BCL2: variants seen among roughly 807,000 people sequenced by gnomAD.
The protein encoded by BCL2 is apoptosis regulator Bcl-2.
Under a neutral mutation model 14.2 loss-of-function variants are expected in BCL2, and 1 was observed. The ratio of observed to expected loss-of-function variants is 0.07; its 90% CI spans 0.02 to 0.33. The LOEUF (loss-of-function observed/expected upper bound fraction) is 0.33, where lower values mean the gene tolerates loss of function less well. Ranked by LOEUF, BCL2 falls within the 10% of genes least tolerant of loss-of-function variation. BCL2 has a pLI of 0.99. For missense variants in BCL2, 247 were observed against 305.9 expected, an observed-to-expected ratio of 0.81 and a Z score of 1.44; for synonymous variants, 151 against 137.2, an observed-to-expected ratio of 1.10 and a Z score of -0.70.
At chr18:63,139,158 C>CA in intron 2 of BCL2, among the ~76,000 whole-genome samples, 1 of 152,282 alleles carries the variant, frequency 6.6e-6, no homozygotes, top group African/African-American at 2.4e-5. Flanking sequence ...CCTACTGCCG[C>CA]ACTAGCTATG....
chr18:63,197,833 G>C (rs75782850), intron 2 of BCL2, among the ~76,000 whole-genome samples: 3,314 of 152,302 alleles, frequency 0.022, 54 homozygotes, highest in Admixed American at 0.046. Flanking sequence ...CCTGTCCCCT[G>C]TGAGAGAGCA....
In BCL2 at chr18:63,262,771, A is replaced by T. The variant is rs73475344; in HGVS notation, c.585+55311T>A. Among the ~76,000 whole-genome samples, 1,331 of 152,310 alleles carry T rather than the reference A, an allele frequency of 8.7e-3. 24 individuals are homozygous for T. The highest frequency in any genetic ancestry group is 0.03 in the African/African-American group (1,249 of 41,558). ...CAGTGGTGTCCTCATCATAGGAAAA[A>T]GGGAAAGTACATCAGAATTTGACAG... On this transcript the variant is annotated intron_variant, in intron 2 of 2. Coordinates refer to ENST00000333681, the MANE Select transcript of BCL2 (RefSeq NM_000633.3).
chr18:63,299,399 C>A (rs981718408), intron 2 of BCL2, among the ~76,000 whole-genome samples: 1 of 152,234 alleles, frequency 6.6e-6, no homozygotes, highest in Non-Finnish European at 1.5e-5. Context: ...TTCCTACTGC[C>A]CATGCCTTGG....
At chr18:63,231,222 C>T (rs117678200) in intron 2 of BCL2, among the ~76,000 whole-genome samples, 3,679 of 151,790 alleles carry the variant, frequency 0.024, 62 homozygotes, top group Non-Finnish European at 0.038. Context: ...AAATACCTAG[C>T]CAACAGAAAC....
At chr18:63,220,626 C>G (rs894848878) in intron 2 of BCL2, among the ~76,000 whole-genome samples, 2 of 152,158 alleles carry the variant, frequency 1.3e-5, no homozygotes, top group Non-Finnish European at 2.9e-5. Context: ...CTAGCACTTA[C>G]AATCTTGGGG....
intron 2 of BCL2, among the ~76,000 whole-genome samples, chr18:63,263,989 C>T (rs559942880): frequency 6.6e-6 from 1 of 152,316 alleles, no homozygotes; most frequent in African/African-American, 2.4e-5. Context: ...AGGCTGGTCA[C>T]GAACGTCTGA....
chr18:63,318,816 G>C lies in BCL2; in HGVS notation c.-150C>G, dbSNP rs1913599032. Reference sequence around the variant, plus strand: ...GACGAGGGGGTGTCTTCAATCACGCGGAACACTTGATTCTGGTGTTTCCCC... The same window carrying C: ...GACGAGGGGGTGTCTTCAATCACGCCGAACACTTGATTCTGGTGTTTCCCC... On this transcript the variant is annotated 5_prime_UTR_variant, in exon 2 of 3. Transcript: ENST00000333681. The surrounding 1 kb of genome is among the most constrained non-coding windows in gnomAD (Gnocchi z 7.4). 6.2e-6 allele frequency: 9 copies of C among 1,440,156 alleles called. No homozygotes were observed. The highest frequency in any genetic ancestry group is 7.3e-6 in the Non-Finnish European group (8 of 1,095,632). The allele number at this position is 1,440,156 out of a possible 1,614,324, so 89.2% of individuals were successfully genotyped here.
rs4987832 is a variant in BCL2, at chr18:63,139,044, G to A, written c.586-10285C>T. On this transcript the variant is annotated intron_variant, in intron 2 of 2. Coordinates refer to ENST00000333681, the MANE Select transcript of BCL2 (RefSeq NM_000633.3). ...CCACCTGCTAATGGAGACTTCAGCCGGAGCTGGCTATTCCAGAGATGGACC... is the reference window on the plus strand; with the variant it reads ...CCACCTGCTAATGGAGACTTCAGCCAGAGCTGGCTATTCCAGAGATGGACC... 6.2e-3 allele frequency among the ~76,000 whole-genome samples: 946 copies of A among 152,324 alleles called. 13 individuals carry two copies. Among genetic ancestry groups the A allele is most frequent in the African/African-American group, 0.022 (910 of 41,580 alleles).
intron 2 of BCL2, among the ~76,000 whole-genome samples, chr18:63,271,576 G>T (rs1016096736): frequency 6.6e-6 from 1 of 152,146 alleles, no homozygotes; most frequent in African/African-American, 2.4e-5. Context: ...ATCCAGTTTT[G>T]CTGCTTTCAA....
chr18:63,280,334 G>T (rs184933631), intron 2 of BCL2, among the ~76,000 whole-genome samples: 2 of 152,240 alleles, frequency 1.3e-5, no homozygotes, highest in Admixed American at 1.3e-4. Context: ...CTATTTCTCA[G>T]GGTTGTAAAA....
At chr18:63,196,121 C>T (rs1909438205) in intron 2 of BCL2, among the ~76,000 whole-genome samples, 2 of 152,168 alleles carry the variant, frequency 1.3e-5, no homozygotes, top group African/African-American at 4.8e-5. Flanking sequence ...GAGACCTAAG[C>T]TCCTTGGGAA....
At chr18:63,203,944 G>T (rs1276085161) in intron 2 of BCL2, among the ~76,000 whole-genome samples, 1 of 152,098 alleles carries the variant, frequency 6.6e-6, no homozygotes, top group Non-Finnish European at 1.5e-5. Flanking sequence ...AATTAATTCA[G>T]TTTATATGCA....
At chr18:63,273,595 CCTTGGCAG>C (rs1912063375) in intron 2 of BCL2, among the ~76,000 whole-genome samples, 2 of 152,156 alleles carry the variant, frequency 1.3e-5, no homozygotes, top group African/African-American at 4.8e-5. Flanking sequence ...GCTGTACAAC[CCTTGGCAG>C]TCTCTTGAAC....
At chr18:63,180,473 C>T (rs1241163567) in intron 2 of BCL2, among the ~76,000 whole-genome samples, 1 of 152,254 alleles carries the variant, frequency 6.6e-6, no homozygotes, top group African/African-American at 2.4e-5. Flanking sequence ...CACTGCTTCC[C>T]CTGGAGAGAG....
At chr18:63,236,136 G>A (rs1817028543) in intron 2 of BCL2, among the ~76,000 whole-genome samples, 1 of 152,124 alleles carries the variant, frequency 6.6e-6, no homozygotes, top group Non-Finnish European at 1.5e-5. Context: ...CCTGCACATG[G>A]CTCTCTTGCC....
intron 2 of BCL2, among the ~76,000 whole-genome samples, chr18:63,221,218 T>A (rs1479405295): frequency 5.9e-5 from 9 of 152,236 alleles, no homozygotes. Flanking sequence ...AACGGATCTT[T>A]AAATGCCTTT....
At chr18:63,251,715 T>C (rs1173608676) in intron 2 of BCL2, among the ~76,000 whole-genome samples, 1 of 151,450 alleles carries the variant, frequency 6.6e-6, no homozygotes, top group South Asian at 2.1e-4. Context: ...TCTTTTTTTT[T>C]TTGACGTAGT....
intron 2 of BCL2, among the ~76,000 whole-genome samples, chr18:63,287,278 G>C (rs1164497820): frequency 6.6e-6 from 1 of 152,106 alleles, no homozygotes; most frequent in African/African-American, 2.4e-5. Flanking sequence ...ACTCTGGCTG[G>C]GTCACATTCT....
chr18:63,166,528 C>A lies in BCL2; in HGVS notation c.586-37769G>T, dbSNP rs142704311. On this transcript the variant is annotated intron_variant, in intron 2 of 2. Coordinates refer to ENST00000333681, the MANE Select transcript of BCL2 (RefSeq NM_000633.3). Reference sequence around the variant, plus strand: ...AGCCCATACGATATCATGATCAGATCATGGAAAACGTATACATATTAACAG... The same window carrying A: ...AGCCCATACGATATCATGATCAGATAATGGAAAACGTATACATATTAACAG... Among the ~76,000 whole-genome samples, 979 of 152,322 alleles carry A rather than the reference C, an allele frequency of 6.4e-3. 15 individuals are homozygous for A. Among genetic ancestry groups the A allele is most frequent in the African/African-American group, 0.023 (937 of 41,572 alleles).
Sources: gnomAD v4.1 joint callset for allele counts (sites outside exome capture counted in the v4.1 genomes callset) on GRCh38, gnomAD v4.1.1 for gene constraint, Gnocchi (gnomAD v3.1) non-coding constraint, MANE v1.5 for transcripts, NCBI Gene and HGNC (gene_info 2026-07-23, HGNC 2026-07-21) for gene names.